HTT: variants seen among roughly 807,000 people sequenced by gnomAD.
HTT encodes huntington disease protein.
Under a neutral mutation model 362.3 loss-of-function variants are expected in HTT, and 104 were observed. That is an observed-to-expected ratio of 0.29 (90% CI 0.24 to 0.34). The LOEUF is 0.34. HTT is among the 10% of genes least tolerant of loss of function. HTT has a pLI of 1.00. For missense variants in HTT, 3,301 were observed against 3,928.6 expected (o/e 0.84, Z 4.27); for synonymous variants, 1,577 against 1,548.7 (o/e 1.02, Z -0.43).
rs750056537 is a variant in HTT at position 3,148,083 on chromosome 4, T to A, written c.3374T>A (p.Val1125Asp). 1.9e-6 allele frequency: 3 copies of A among 1,613,836 alleles called. No homozygotes were observed. The highest frequency in any genetic ancestry group is 4.5e-5 in the East Asian group (2 of 44,874). ...CCAGCAGCCACCAAGCAAGAGGAGG[T>A]CTGGCCAGCCCTGGGGGACCGGGCC... The part of the protein sequence containing the change: ...ANPAATKQEE[V>D]WPALGDRALV... Residue 1125 changes from valine to aspartate, a missense_variant, in exon 26 of 67, where the codon GTC becomes GAC. Around this residue, in one of 4 missense-constraint regions of HTT, gnomAD observed 2,316 missense variants for 2,658.5 expected, o/e 0.87. Coordinates refer to ENST00000355072, the MANE Select transcript of HTT (RefSeq NM_001388492.1).
chr4:3,216,330 A>AC (rs1408464362), intron 51 of HTT, among the ~76,000 whole-genome samples: 1 of 152,144 alleles, frequency 6.6e-6, no homozygotes, highest in East Asian at 1.9e-4. Flanking sequence ...TCTTGTTGCT[A>AC]CCTAAGGAAT....
At chr4:3,152,024 C>G (rs1243466838) in intron 26 of HTT, among the ~76,000 whole-genome samples, 1 of 152,022 alleles carries the variant, frequency 6.6e-6, no homozygotes, top group African/African-American at 2.4e-5. Context: ...ATCTCCCAGG[C>G]TCAAGTGATC....
intron 21 of HTT, among the ~76,000 whole-genome samples, chr4:3,137,298 T>G (rs1265439575): frequency 1.3e-5 from 2 of 152,326 alleles, no homozygotes. Context: ...TATAGTAAAC[T>G]CCAATTTTAT....
intron 29 of HTT, among the ~76,000 whole-genome samples, chr4:3,168,554 A>T (rs897544746): frequency 6.6e-6 from 1 of 152,196 alleles, no homozygotes; most frequent in Admixed American, 6.5e-5. Context: ...ATCCTTATTT[A>T]TTCCATACTC....
At chr4:3,160,537 C>A (rs576457290) in intron 29 of HTT, 145 bp downstream of exon 29, 2 of 644,534 alleles carry the variant, frequency 3.1e-6, no homozygotes, top group African/African-American at 1.8e-5. Flanking sequence ...GTCACAGGAC[C>A]CAAGTCTGAC....
chr4:3,134,352 C>G, intron 18 of HTT, 49 bp from the exon 19 acceptor site: 9 of 1,562,372 alleles, frequency 5.8e-6, no homozygotes, highest in Non-Finnish European at 7.8e-6. Context: ...GACGCGGGTA[C>G]TGAGTGGGAC....
At chr4:3,138,434 T>C (rs1716187478) in intron 21 of HTT, among the ~76,000 whole-genome samples, 1 of 152,086 alleles carries the variant, frequency 6.6e-6, no homozygotes, top group Non-Finnish European at 1.5e-5. Context: ...TATACCACAC[T>C]GTATGCCCTT....
rs1712425453 is a variant in HTT at position 3,074,963 on chromosome 4, G to GCCGCCGCCGCCGCCT, written c.143_144insGCCGCCGCCTCCGCC (p.Pro45_Pro49dup). The GCCGCCGCCGCCGCCT allele has an allele frequency of 2.0e-6, 3 of 1,492,474 alleles. No individual in the cohort carries two copies. The highest frequency in any genetic ancestry group is 2.8e-5 in the East Asian group (1 of 35,596). 92.5% of individuals were successfully genotyped at this position (1,492,474 alleles called of 1,614,324 possible). On this transcript the variant is annotated inframe_insertion, in exon 1 of 67. Transcript: ENST00000355072. Reference sequence around the variant, plus strand: ...AGCCGCCACCGCCGCCGCCGCCGCCGCCGCCTCCTCAGCTTCCTCAGCCGC... The same window carrying GCCGCCGCCGCCGCCT: ...AGCCGCCACCGCCGCCGCCGCCGCCGCCGCCGCCGCCGCCTCCGCCTCCTCAGCTTCCTCAGCCGC...
chr4:3,086,399 G>T (rs900594038), intron 1 of HTT, among the ~76,000 whole-genome samples: 6 of 152,280 alleles, frequency 3.9e-5, no homozygotes, highest in Admixed American at 3.9e-4. Context: ...GGCCAGTCAT[G>T]GTGGCTCATA....
At chr4:3,078,105 C>T (rs1442446192) in intron 1 of HTT, among the ~76,000 whole-genome samples, 1 of 152,214 alleles carries the variant, frequency 6.6e-6, no homozygotes, top group Non-Finnish European at 1.5e-5. Flanking sequence ...GGGCTGGCTG[C>T]AGGCTCAGCA....
intron 1 of HTT, among the ~76,000 whole-genome samples, chr4:3,077,413 A>G (rs2110132187): frequency 6.6e-6 from 1 of 152,222 alleles, no homozygotes; most frequent in South Asian, 2.1e-4. Context: ...AGTAGTTTAG[A>G]ATAATATATA....
At position 3,228,282 on chromosome 4, in the gene HTT, C is replaced by T. The variant is rs1721017023; in HGVS notation, c.7849-333C>T. Among the ~76,000 whole-genome samples the T allele has an allele frequency of 6.6e-6, 1 of 152,208 alleles. No individual in the cohort carries two copies. Reference sequence around the variant, plus strand: ...GGAAAAGGAATCTCACGTATTGGTTCCGTGTTTTGGGGACTCCATTCAGAT... The same window carrying T: ...GGAAAAGGAATCTCACGTATTGGTTTCGTGTTTTGGGGACTCCATTCAGAT... On this transcript the variant is annotated intron_variant, in intron 57 of 66. Coordinates refer to ENST00000355072, the MANE Select transcript of HTT (RefSeq NM_001388492.1). This position sits in a 1 kb window ranked among gnomAD's most constrained non-coding sequence, Gnocchi z 4.3.
chr4:3,220,870 G>C (rs937970498), intron 53 of HTT, among the ~76,000 whole-genome samples: 6 of 152,164 alleles, frequency 3.9e-5, no homozygotes, highest in Non-Finnish European at 8.8e-5. Flanking sequence ...AACCTCTAGA[G>C]ACCCTCAGTT....
intron 3 of HTT, among the ~76,000 whole-genome samples, chr4:3,099,783 C>T (rs756235788): frequency 2.7e-4 from 41 of 149,554 alleles, no homozygotes; most frequent in Non-Finnish European, 5.0e-4. Flanking sequence ...TGGAGGTGCT[C>T]TTGTATGGTT....
At position 3,213,966 on chromosome 4, in the gene HTT, C is replaced by T. The variant is rs772479641; in HGVS notation, c.6783C>T (p.Ser2261=). ...KFVVATLEAL[S]WHLIHEQIPL... is the part of the protein sequence containing the mutation. ...TCGGTACTTCCCTTTAGGCCCTGTC[C>T]TGGCATTTGATCCATGAGCAGATCC... Residue 2261 remains serine, a synonymous_variant, in exon 50 of 67, where the codon TCC becomes TCT. Transcript: ENST00000355072. 6.4e-7 allele frequency: 1 copy of T among 1,562,590 alleles called. No homozygotes were observed.
At position 3,132,668 on chromosome 4, in the gene HTT, C is replaced by G; in HGVS notation, c.2343C>G (p.Ser781Arg). The G allele has an allele frequency of 1.9e-6, 3 of 1,614,154 alleles. No individual in the cohort carries two copies. Among genetic ancestry groups the G allele is most frequent in the Non-Finnish European group, 1.7e-6 (2 of 1,179,982 alleles). ...LCGTLICSIL[S>R]RSRFHVGDWM... The stretch of plus-strand genomic sequence containing the variant: ...GGACCCTCATCTGCTCCATCCTCAG[C>G]AGGTCCCGCTTCCACGTGGGAGATT... Residue 781 changes from serine to arginine, a missense_variant, in exon 17 of 67, where the codon AGC becomes AGG. Transcript: ENST00000355072.
chr4:3,129,884 C>T (rs1715718799), intron 12 of HTT, 40 bp from the exon 13 acceptor site: 1 of 1,613,410 alleles, frequency 6.2e-7, no homozygotes, highest in African/African-American at 1.3e-5. Context: ...TCTTGGTGAT[C>T]ACACTTCAAA....
At position 3,178,318 on chromosome 4, in the gene HTT, C is replaced by G. The variant is rs1400513633; in HGVS notation, c.4484C>G (p.Pro1495Arg). 2.5e-6 allele frequency: 4 copies of G among 1,609,134 alleles called. No individual in the cohort carries two copies. The highest frequency in any genetic ancestry group is 2.2e-5 in the East Asian group (1 of 44,850). ...TTTAGGGAATCAGAGGCAATCATTC[C>G]AAACATCTTTTTCTTCTTGGTATTA... Reference protein sequence around the residue: ...GQFRESEAIIPNIFFFLVLLS... With the variant: ...GQFRESEAIIRNIFFFLVLLS... The change falls in exon 35 of 67, where the codon CCA becomes CGA. Residue 1495 changes from proline (P) to arginine (R), a missense_variant. Around this residue, in one of 4 missense-constraint regions of HTT, gnomAD observed 2,316 missense variants for 2,658.5 expected, o/e 0.87. Coordinates refer to ENST00000355072, the MANE Select transcript of HTT (RefSeq NM_001388492.1).
rs1391099155 is a variant in HTT at position 3,242,260 on chromosome 4, C to G, written c.*2201C>G. ...TGTTTACGACGTGATCTAAACCAGT[C>G]CTTAGCAAGGGGCTCAGAACACCCC... On this transcript the variant is annotated 3_prime_UTR_variant, in exon 67 of 67. Coordinates refer to ENST00000355072, the MANE Select transcript of HTT (RefSeq NM_001388492.1). The G allele has an allele frequency of 6.6e-6, 1 of 152,208 alleles. No individual in the cohort carries two copies. The highest frequency in any genetic ancestry group is 1.9e-4 in the East Asian group (1 of 5,200). 9.4% of individuals were successfully genotyped at this position (152,208 alleles called of 1,614,324 possible). A position where few individuals can be genotyped will look rare whatever the true frequency, so the allele number is the denominator to read the frequency against.
Sources: allele counts gnomAD v4.1 joint callset (sites outside exome capture counted in the v4.1 genomes callset), GRCh38; gene constraint gnomAD v4.1.1; regional missense constraint gnomAD v4.1.1; non-coding constraint Gnocchi (gnomAD v3.1); transcripts MANE v1.5; gene names NCBI Gene and HGNC (gene_info 2026-07-23, HGNC 2026-07-21).